The following EMB variants were observed in gnomAD, a reference collection of about 807,000 sequenced individuals.
EMB encodes embigin, also known as embigin homolog.
A neutral mutation model predicts 41.4 loss-of-function variants in EMB; 31 were observed. The observed-to-expected ratio is 0.75, with a 90% CI of 0.56 to 1.01. The LOEUF (loss-of-function observed/expected upper bound fraction) is 1.01. EMB is among the 50% of genes least tolerant of loss of function. The probability of loss-of-function intolerance (pLI) is 0.00; values close to 1 mark genes in which losing one functional copy is unlikely to be tolerated. For synonymous variants in EMB, 137 were observed against 140.4 expected (o/e 0.98, Z 0.17); for missense variants, 379 against 388.3 (o/e 0.98, Z 0.20).
At chr5:50,430,367 C>A (rs1355985366) in intron 1 of EMB, among the ~76,000 whole-genome samples, 1 of 152,142 alleles carries the variant, frequency 6.6e-6, no homozygotes, top group Non-Finnish European at 1.5e-5. Flanking sequence ...AGCCCATAAC[C>A]TTTTTGAGAT....
intron 2 of EMB, among the ~76,000 whole-genome samples, chr5:50,413,654 C>A (rs1745381470): frequency 4.0e-5 from 6 of 151,344 alleles, no homozygotes; most frequent in Admixed American, 4.0e-4. Context: ...CAGCTCACTG[C>A]AACCTCCGCC....
At chr5:50,402,198 C>G (rs1306195982) in intron 7 of EMB, 88 bp downstream of exon 7, 1 of 1,392,472 alleles carries the variant, frequency 7.2e-7, no homozygotes, top group African/African-American at 1.4e-5. Context: ...TCTGCCTTTT[C>G]TCCCCCTAAC....
At chr5:50,411,032 A>C in intron 3 of EMB, 67 bp from the exon 4 acceptor site, 2 of 1,282,240 alleles carry the variant, frequency 1.6e-6, no homozygotes, top group Admixed American at 5.2e-5. Context: ...GAAAAGACTT[A>C]GCCATTAATA....
At chr5:50,427,527 T>G (rs1331088186) in intron 2 of EMB, among the ~76,000 whole-genome samples, 1 of 151,302 alleles carries the variant, frequency 6.6e-6, no homozygotes, top group African/African-American at 2.4e-5. Flanking sequence ...TTATTATTAT[T>G]TGACAGAGTC....
At chr5:50,440,393 C>T (rs1176267902) in intron 1 of EMB, among the ~76,000 whole-genome samples, 1 of 151,734 alleles carries the variant, frequency 6.6e-6, no homozygotes, top group Non-Finnish European at 1.5e-5. Flanking sequence ...ATTAGCCCGG[C>T]GTGGTGGCGC....
At chr5:50,413,187 G>A (rs1330670931) in intron 2 of EMB, among the ~76,000 whole-genome samples, 1 of 152,144 alleles carries the variant, frequency 6.6e-6, no homozygotes, top group Non-Finnish European at 1.5e-5. Context: ...CTGTATCACT[G>A]GCTAACCAAA....
upstream of EMB, among the ~76,000 whole-genome samples, chr5:50,442,316 TA>T (rs796362562): frequency 3.1e-4 from 47 of 152,344 alleles, 2 homozygotes; most frequent in African/African-American, 1.1e-3. Context: ...TGGTACGTAT[TA>T]CTAAAACACG....
At chr5:50,440,891 G>C (rs896730097) in intron 1 of EMB, 149 bp downstream of exon 1, 5 of 469,470 alleles carry the variant, frequency 1.1e-5, no homozygotes, top group Non-Finnish European at 1.8e-5. Context: ...ATGGGAGGCC[G>C]CCGCCGACTC....
chr5:50,441,085 G>A lies in EMB; in HGVS notation c.67C>T (p.Leu23Phe), dbSNP rs1295755870. Residue 23 changes from leucine to phenylalanine, a missense_variant, in exon 1 of 9, where the codon CTT becomes TTT. Physicochemically the swap from Leu to Phe is conservative, Grantham distance 22. Transcript: ENST00000303221. ...GAGCTTGGGCGCGCGGCAGCGAGAAGGCACTGGAGGAGGAGCAGCCGGGGC... is the reference window on the plus strand; with the variant it reads ...GAGCTTGGGCGCGCGGCAGCGAGAAAGCACTGGAGGAGGAGCAGCCGGGGC... Reference protein sequence around the residue: ...RTPRLLLLQCLLAAARPSSAD... With the variant: ...RTPRLLLLQCFLAAARPSSAD... The A allele has an allele frequency of 2.0e-6, 3 of 1,519,156 alleles. No individual in the cohort carries two copies. Among genetic ancestry groups the A allele is most frequent in the Non-Finnish European group, 2.6e-6 (3 of 1,136,112 alleles). The allele number at this position is 1,519,156 out of a possible 1,614,324, so 94.1% of individuals were successfully genotyped here. A position where few individuals can be genotyped will look rare whatever the true frequency, so the allele number is the denominator to read the frequency against.
intron 2 of EMB, among the ~76,000 whole-genome samples, chr5:50,417,590 C>T (rs1189098410): frequency 6.6e-6 from 1 of 152,174 alleles, no homozygotes; most frequent in Non-Finnish European, 1.5e-5. Flanking sequence ...CCAATGTGCA[C>T]AGAGAAACCT....
chr5:50,433,544 A>G (rs767134097), intron 1 of EMB, among the ~76,000 whole-genome samples: 2 of 152,314 alleles, frequency 1.3e-5, no homozygotes, highest in Non-Finnish European at 2.9e-5. Flanking sequence ...AAATGTTTCA[A>G]TTGTTAGTCT....
chr5:50,424,925 G>A (rs986558782), intron 2 of EMB, among the ~76,000 whole-genome samples: 12 of 152,188 alleles, frequency 7.9e-5, no homozygotes, highest in African/African-American at 2.9e-4. Context: ...TGCCACTTGT[G>A]TTGCTATGGG....
chr5:50,401,673 A>G (rs1162565880), intron 7 of EMB, among the ~76,000 whole-genome samples: 1 of 151,984 alleles, frequency 6.6e-6, no homozygotes, highest in African/African-American at 2.4e-5. Flanking sequence ...CTCTAAACAA[A>G]GGCTGTGTAA....
intron 5 of EMB, 81 bp downstream of exon 5, chr5:50,405,644 T>G: frequency 6.7e-7 from 1 of 1,486,570 alleles, no homozygotes; most frequent in Non-Finnish European, 8.9e-7. Context: ...TTAGGAATGC[T>G]GAGTCTGTTA....
chr5:50,421,488 G>C (rs1332918663), intron 2 of EMB, among the ~76,000 whole-genome samples: 1 of 152,000 alleles, frequency 6.6e-6, no homozygotes, highest in Non-Finnish European at 1.5e-5. Context: ...TCAGTGTGGC[G>C]ATTCCTCAGG....
Position 50,399,101 on chromosome 5 carries a change from A to T in EMB, c.*172T>A, listed in dbSNP as rs369171068. On this transcript the variant is annotated 3_prime_UTR_variant, in exon 9 of 9. Coordinates refer to ENST00000303221, the MANE Select transcript of EMB (RefSeq NM_198449.3). Reference sequence around the variant, plus strand: ...TATGTAACATAATTACAGAATGAAAATATACCTTTAGATCTGACATATATC... The same window carrying T: ...TATGTAACATAATTACAGAATGAAATTATACCTTTAGATCTGACATATATC... 2 of 758,652 alleles carry T rather than the reference A, an allele frequency of 2.6e-6. No homozygotes were observed. Among genetic ancestry groups the T allele is most frequent in the Admixed American group, 3.6e-5 (1 of 27,568 alleles). 47.0% of individuals were successfully genotyped at this position (758,652 alleles called of 1,614,324 possible). A position where few individuals can be genotyped will look rare whatever the true frequency, so the allele number is the denominator to read the frequency against.
intron 2 of EMB, among the ~76,000 whole-genome samples, chr5:50,426,583 C>A (rs1400789512): frequency 1.3e-5 from 2 of 152,106 alleles, no homozygotes; most frequent in Non-Finnish European, 2.9e-5. Flanking sequence ...GTATTTGAAT[C>A]TCTCTACAAG....
rs147194271 is a variant in EMB, at chr5:50,410,080, G to A, written c.472+797C>T. Among the ~76,000 whole-genome samples the A allele has an allele frequency of 3.9e-3, 586 of 152,102 alleles. 5 individuals carry two copies. The highest frequency in any genetic ancestry group is 0.013 in the African/African-American group (556 of 41,508). On this transcript the variant is annotated intron_variant, in intron 4 of 8. Transcript: ENST00000303221. ...CCACATTCTGTCACAGCAGACAGTC[G>A]GGCTTTAGGAGTTTTAGGAAAAGTT...
chr5:50,424,142 T>G (rs746713958), intron 2 of EMB, among the ~76,000 whole-genome samples: 1 of 152,148 alleles, frequency 6.6e-6, no homozygotes, highest in Non-Finnish European at 1.5e-5. Context: ...GTTAACGGGT[T>G]TCATGCCCTG....
Sources: gnomAD v4.1 joint callset for allele counts (sites outside exome capture counted in the v4.1 genomes callset) on GRCh38, gnomAD v4.1.1 for gene constraint, MANE v1.5 for transcripts, NCBI Gene and HGNC (gene_info 2026-07-23, HGNC 2026-07-21) for gene names.